AASS: variants seen among roughly 807,000 people sequenced by gnomAD.
AASS encodes aminoadipate-semialdehyde synthase, also known as alpha-aminoadipic semialdehyde synthase, mitochondrial.
AASS carries 86 observed loss-of-function variants against 105.4 expected under a neutral mutation model. That is an observed-to-expected ratio of 0.82 (90% confidence interval 0.69 to 0.98). The LOEUF (loss-of-function observed/expected upper bound fraction) is 0.98. Among genes scored for constraint, AASS ranks in the 50% least tolerant of loss-of-function variants. The pLI is 0.00. For missense variants in AASS, 1,048 were observed against 1,143.2 expected, an observed-to-expected ratio of 0.92 and a Z score of 1.20; for synonymous variants, 381 against 394.8, an observed-to-expected ratio of 0.96 and a Z score of 0.41.
rs1321705278 is a variant in AASS at position 122,118,644 on chromosome 7, A to C, written c.473-14T>G. 2 of 1,612,448 alleles carry C rather than the reference A, an allele frequency of 1.2e-6. No individual in the cohort carries two copies. Among genetic ancestry groups the C allele is most frequent in the Non-Finnish European group, 1.7e-6 (2 of 1,179,270 alleles). On this transcript the variant is annotated splice_polypyrimidine_tract_variant and intron_variant, in intron 4 of 23. Transcript: ENST00000417368. ...TGTTGATCATTCCTGTTACAGAATC[A>C]GACCAATAGAAAGACTATTAGTTGG...
At position 122,116,721 on chromosome 7, in the gene AASS, T is replaced by C. The variant is rs755507849; in HGVS notation, c.806A>G (p.His269Arg). ...AGCATCTGTTTTCCTGACAAGATGA[T>C]GATGACGACTTAACACCGTCCCATA... ...KVYGTVLSRH[H>R]HLVRKTDAVY... Residue 269 changes from histidine (H) to arginine (R), a missense_variant, in exon 8 of 24, where the codon CAT (histidine) becomes CGT (arginine). Transcript: ENST00000417368. The C allele has an allele frequency of 6.2e-7, 1 of 1,614,142 alleles. No individual in the cohort carries two copies. The highest frequency in any genetic ancestry group is 8.5e-7 in the Non-Finnish European group (1 of 1,180,010).
rs1026537206 is a variant in AASS, at chr7:122,074,162, T to C, written c.*2327A>G. 6.6e-6 allele frequency among the ~76,000 whole-genome samples: 1 copy of C among 152,232 alleles called. No homozygotes were observed. Among genetic ancestry groups the C allele is most frequent in the Non-Finnish European group, 1.5e-5 (1 of 68,042 alleles). On this transcript the variant is annotated 3_prime_UTR_variant, in exon 24 of 24. Transcript: ENST00000417368. ...ACTTGATATTATCACTTTGATTATA[T>C]ATCTATTCCAGTGAGTGTTAAGTGA... is the stretch of plus-strand genomic sequence containing the variant.
intron 9 of AASS, 90 bp from the exon 10 acceptor site, chr7:122,113,810 T>G: frequency 1.4e-6 from 2 of 1,447,842 alleles, no homozygotes; most frequent in Non-Finnish European, 1.9e-6. Flanking sequence ...CAATTTTCAA[T>G]GTGGATCCCA....
chr7:122,136,461 A>G (rs2150556064), intron 1 of AASS, among the ~76,000 whole-genome samples: 1 of 152,328 alleles, frequency 6.6e-6, no homozygotes, highest in South Asian at 2.1e-4. Context: ...TAGATTATCA[A>G]CATTTCAGTA....
rs958011547 is a variant in AASS at position 122,106,366 on chromosome 7, A to G, written c.1279-4686T>C. Among the ~76,000 whole-genome samples the G allele has an allele frequency of 5.3e-5, 8 of 152,188 alleles. No homozygotes were observed. The East Asian group carries it at 1.4e-3, about 26-fold the overall frequency. ...ATAGATTCAATGCTATTCTTATCAA[A>G]TTACCCATGACATTCTTCATAGAAC... On this transcript the variant is annotated intron_variant, in intron 11 of 23. Transcript: ENST00000417368.
chr7:122,135,046 T>C (rs1796080714), intron 1 of AASS, among the ~76,000 whole-genome samples: 1 of 152,022 alleles, frequency 6.6e-6, no homozygotes, highest in African/African-American at 2.4e-5. Flanking sequence ...ACACCTTATG[T>C]TCTCACTCAC....
intron 2 of AASS, among the ~76,000 whole-genome samples, chr7:122,130,842 C>A (rs1237865367): frequency 6.6e-6 from 1 of 151,742 alleles, no homozygotes; most frequent in South Asian, 2.1e-4. Flanking sequence ...TAAATCTGTA[C>A]AATGGAGTAC....
chr7:122,143,293 T>TGA (rs574895317), intron 1 of AASS, among the ~76,000 whole-genome samples: 23 of 152,298 alleles, frequency 1.5e-4, no homozygotes, highest in African/African-American at 5.3e-4. Context: ...TTCAAGTTAC[T>TGA]GAACTAATTC....
chr7:122,100,197 G>A (rs951129855), intron 13 of AASS, among the ~76,000 whole-genome samples: 1 of 151,816 alleles, frequency 6.6e-6, no homozygotes, highest in African/African-American at 2.4e-5. Context: ...TCTAGCAATC[G>A]GAGCCAAGTA....
chr7:122,085,889 C>T lies in AASS; in HGVS notation c.2184+123G>A. The T allele has an allele frequency of 4.7e-6, 5 of 1,065,218 alleles. No individual in the cohort carries two copies. The South Asian group carries it at 5.4e-5, about 11-fold the overall frequency. The allele number at this position is 1,065,218 out of a possible 1,614,324, so 66.0% of individuals were successfully genotyped here. ...AAATATTCAATCAATCATAAGATTCCTGAAAAAATAGACTCCAACTTGGTT... is the reference window on the plus strand; with the variant it reads ...AAATATTCAATCAATCATAAGATTCTTGAAAAAATAGACTCCAACTTGGTT... On this transcript the variant is annotated intron_variant, in intron 19 of 23. Transcript: ENST00000417368.
chr7:122,093,379 C>A (rs949646191), intron 15 of AASS, among the ~76,000 whole-genome samples: 1 of 152,138 alleles, frequency 6.6e-6, no homozygotes, highest in Non-Finnish European at 1.5e-5. Flanking sequence ...AACTATCATT[C>A]GACTTAGCAA....
chr7:122,080,408 C>T (rs1006564057), intron 20 of AASS, among the ~76,000 whole-genome samples: 23 of 152,118 alleles, frequency 1.5e-4, no homozygotes, highest in African/African-American at 5.6e-4. Context: ...CCGTGTGGCC[C>T]ATAAAGTCTA....
At chr7:122,135,271 TA>T (rs35382381) in intron 1 of AASS, among the ~76,000 whole-genome samples, 81 of 145,606 alleles carry the variant, frequency 5.6e-4, no homozygotes, top group East Asian at 8.0e-4. Flanking sequence ...CTTAAAGTAT[TA>T]AAAAAAAAAA....
intron 11 of AASS, among the ~76,000 whole-genome samples, chr7:122,111,059 T>C (rs1794907040): frequency 6.6e-6 from 1 of 152,134 alleles, no homozygotes; most frequent in Non-Finnish European, 1.5e-5. Context: ...TCCAGAATTA[T>C]TCAGTCTATG....
intron 4 of AASS, among the ~76,000 whole-genome samples, 167 bp downstream of exon 4, chr7:122,126,208 T>C (rs1282288219): frequency 3.3e-5 from 5 of 152,222 alleles, no homozygotes; most frequent in Non-Finnish European, 4.4e-5. Context: ...TAACCATTTA[T>C]CTTCATACTT....
chr7:122,092,468 T>C (rs1469975436), intron 17 of AASS, among the ~76,000 whole-genome samples: 1 of 152,132 alleles, frequency 6.6e-6, no homozygotes, highest in African/African-American at 2.4e-5. Flanking sequence ...TTATAAGATA[T>C]TATTTAAAAT....
chr7:122,088,678 G>C (rs572062484), intron 18 of AASS, among the ~76,000 whole-genome samples: 1 of 152,216 alleles, frequency 6.6e-6, no homozygotes, highest in Non-Finnish European at 1.5e-5. Context: ...CAGTCAAGGT[G>C]GTGGCAGGCA....
intron 11 of AASS, among the ~76,000 whole-genome samples, chr7:122,104,484 T>C (rs1282893861): frequency 6.6e-6 from 1 of 152,016 alleles, no homozygotes; most frequent in Non-Finnish European, 1.5e-5. Flanking sequence ...TAATCCCATC[T>C]ACTGGGGAAG....
intron 4 of AASS, among the ~76,000 whole-genome samples, chr7:122,120,051 A>G (rs1795370586): frequency 6.6e-6 from 1 of 152,150 alleles, no homozygotes; most frequent in African/African-American, 2.4e-5. Flanking sequence ...TTTACTCAGC[A>G]TCGTGTTTTT....
Sources: gnomAD v4.1 joint callset for allele counts (sites outside exome capture counted in the v4.1 genomes callset) on GRCh38, gnomAD v4.1.1 for gene constraint, MANE v1.5 for transcripts, NCBI Gene and HGNC (gene_info 2026-07-23, HGNC 2026-07-21) for gene names.